CTNNA3: variants seen among roughly 807,000 people sequenced by gnomAD.
CTNNA3 encodes catenin alpha 3, also known as catenin alpha-3.
CTNNA3 carries 76 observed loss-of-function variants against 95.7 expected under a neutral mutation model. The observed-to-expected ratio is 0.79, with a 90% CI of 0.66 to 0.96. The LOEUF (loss-of-function observed/expected upper bound fraction) is 0.96, where lower values mean the gene tolerates loss of function less well. Among genes scored for constraint, CTNNA3 ranks in the 40% least tolerant of loss-of-function variants. The pLI is 0.00. For missense variants in CTNNA3, 1,191 were observed against 1,089.8 expected, an observed-to-expected ratio of 1.09 and a Z score of -1.31; for synonymous variants, 431 against 374.4, an observed-to-expected ratio of 1.15 and a Z score of -1.74.
intron 13 of CTNNA3, among the ~76,000 whole-genome samples, chr10:66,243,554 A>C (rs1047149803): frequency 6.6e-6 from 1 of 152,176 alleles, no homozygotes; most frequent in African/African-American, 2.4e-5. Flanking sequence ...ACTTGAATCC[A>C]TCTATGATCT....
chr10:67,458,018 G>A (rs1380748702), intron 5 of CTNNA3, among the ~76,000 whole-genome samples: 1 of 151,930 alleles, frequency 6.6e-6, no homozygotes, highest in East Asian at 1.9e-4. Context: ...GGGGGTTGGG[G>A]GGTCTATTAT....
intron 7 of CTNNA3, among the ~76,000 whole-genome samples, chr10:67,075,170 G>GCACACACACACACACACACA (rs57260841): frequency 2.4e-4 from 36 of 149,750 alleles, no homozygotes; most frequent in African/African-American, 6.2e-4. Flanking sequence ...AAGGATTTCT[G>GCACACACACACACACACACA]CACACACACA....
At chr10:66,216,585 A>T (rs1004302323) in intron 13 of CTNNA3, among the ~76,000 whole-genome samples, 1 of 152,230 alleles carries the variant, frequency 6.6e-6, no homozygotes, top group Non-Finnish European at 1.5e-5. Context: ...CTGGATTTTT[A>T]AAAAACTAAC....
At chr10:65,930,620 AT>A (rs1176249477) in intron 17 of CTNNA3, among the ~76,000 whole-genome samples, 2 of 152,106 alleles carry the variant, frequency 1.3e-5, no homozygotes, top group East Asian at 1.9e-4. Flanking sequence ...ATAGTAGTTA[AT>A]TTTTTTATTT....
intron 11 of CTNNA3, among the ~76,000 whole-genome samples, chr10:66,501,660 T>C (rs1840280855): frequency 6.6e-6 from 1 of 152,146 alleles, no homozygotes; most frequent in Non-Finnish European, 1.5e-5. Context: ...GAACAGAATA[T>C]CATTTAAATC....
Position 67,550,278 on chromosome 10 carries a change from G to A in CTNNA3, c.293-10609C>T, listed in dbSNP as rs893062444. Among the ~76,000 whole-genome samples, 8 of 152,142 alleles carry A rather than the reference G, an allele frequency of 5.3e-5. No individual in the cohort carries two copies. The South Asian group carries it at 6.2e-4, about 12-fold the overall frequency. On this transcript the variant is annotated intron_variant, in intron 3 of 17. Transcript: ENST00000433211. Reference sequence around the variant, plus strand: ...ATATGCCTCAGTTAAATAGTTCCCCGAAGAATACTCAGCCAGCTCTAAATA... The same window carrying A: ...ATATGCCTCAGTTAAATAGTTCCCCAAAGAATACTCAGCCAGCTCTAAATA...
At chr10:66,502,889 G>A (rs1158276680) in intron 11 of CTNNA3, among the ~76,000 whole-genome samples, 2 of 152,094 alleles carry the variant, frequency 1.3e-5, no homozygotes, top group Non-Finnish European at 2.9e-5. Flanking sequence ...ATTCCCAGAA[G>A]TATTGTATGA....
rs535956978 is a variant in CTNNA3, at chr10:67,026,425, AT to A, written c.1047+153891del. Among the ~76,000 whole-genome samples the A allele has an allele frequency of 4.0e-3, 607 of 152,138 alleles. 4 individuals are homozygous for A. Among genetic ancestry groups the A allele is most frequent in the African/African-American group, 0.014 (583 of 41,578 alleles). ...TATAAAAATAGAACTAATGAATTGT[AT>A]TAAATACTATTTAAAATAAAAACAA... On this transcript the variant is annotated intron_variant, in intron 7 of 17. Transcript: ENST00000433211.
chr10:67,687,116 G>A (rs1387943839), intron 1 of CTNNA3, among the ~76,000 whole-genome samples: 1 of 152,112 alleles, frequency 6.6e-6, no homozygotes, highest in Non-Finnish European at 1.5e-5. Context: ...CGGACCTTGA[G>A]GACAGCTGTC....
intron 10 of CTNNA3, among the ~76,000 whole-genome samples, chr10:66,529,879 A>G (rs1841406051): frequency 6.6e-6 from 1 of 152,176 alleles, no homozygotes; most frequent in Admixed American, 6.5e-5. Flanking sequence ...TTTTATGCCC[A>G]TAAAAAAAGT....
intron 1 of CTNNA3, among the ~76,000 whole-genome samples, chr10:67,713,877 A>G (rs1841127188): frequency 1.3e-5 from 2 of 152,134 alleles, no homozygotes; most frequent in Admixed American, 6.6e-5. Flanking sequence ...AGGTGTAGCA[A>G]ACCACCATGG....
chr10:67,701,597 G>T (rs1039910062), intron 1 of CTNNA3, among the ~76,000 whole-genome samples: 4 of 152,170 alleles, frequency 2.6e-5, no homozygotes, highest in Non-Finnish European at 5.9e-5. Context: ...TCACCAACAG[G>T]CCTGCCCTAA....
chr10:66,086,477 A>G (rs2080988699), intron 14 of CTNNA3, among the ~76,000 whole-genome samples: 1 of 152,116 alleles, frequency 6.6e-6, no homozygotes, highest in African/African-American at 2.4e-5. Context: ...ATGGGCTTTC[A>G]TGGGCATGCG....
intron 1 of CTNNA3, among the ~76,000 whole-genome samples, chr10:67,687,830 C>T (rs1250284181): frequency 1.3e-5 from 2 of 152,128 alleles, no homozygotes; most frequent in Non-Finnish European, 2.9e-5. Context: ...AATTCACAGG[C>T]TTTTTCCTAA....
chr10:66,277,440 C>T (rs1360854675), intron 13 of CTNNA3, among the ~76,000 whole-genome samples: 2 of 152,054 alleles, frequency 1.3e-5, no homozygotes, highest in Non-Finnish European at 2.9e-5. Flanking sequence ...GGATCAAATA[C>T]TTTGCAGTTC....
intron 7 of CTNNA3, among the ~76,000 whole-genome samples, chr10:66,787,930 G>A (rs1378659098): frequency 6.6e-6 from 1 of 152,112 alleles, no homozygotes; most frequent in Admixed American, 6.5e-5. Context: ...ACTAAATACT[G>A]TCTATGCAAA....
chr10:66,719,867 A>G (rs914527451), intron 9 of CTNNA3, among the ~76,000 whole-genome samples: 2 of 152,096 alleles, frequency 1.3e-5, no homozygotes, highest in African/African-American at 4.8e-5. Context: ...TTTGATATTA[A>G]TCTAGATGCC....
At chr10:66,815,062 A>G (rs1285620904) in intron 7 of CTNNA3, among the ~76,000 whole-genome samples, 3 of 151,964 alleles carry the variant, frequency 2.0e-5, no homozygotes, top group East Asian at 2.0e-4. Context: ...GTATTCGCCA[A>G]CATTTTTTAA....
intron 5 of CTNNA3, among the ~76,000 whole-genome samples, chr10:67,305,439 G>A (rs906385234): frequency 1.3e-5 from 2 of 150,858 alleles, no homozygotes; most frequent in Non-Finnish European, 2.9e-5. Context: ...GAAAAGTGAA[G>A]AGGAAAAGTC....
Sources: allele counts gnomAD v4.1 joint callset (sites outside exome capture counted in the v4.1 genomes callset), GRCh38; gene constraint gnomAD v4.1.1; transcripts MANE v1.5; gene names NCBI Gene and HGNC (gene_info 2026-07-23, HGNC 2026-07-21).